NOL4: variants seen among roughly 807,000 people sequenced by gnomAD.
The protein encoded by NOL4 is cancer/testis antigen 125.
In NOL4, 17 loss-of-function variants were observed where a neutral mutation model predicts 75.9. The ratio of observed to expected loss-of-function variants is 0.22; its 90% confidence interval spans 0.15 to 0.34. The LOEUF is 0.34. Ranked by LOEUF, NOL4 falls within the 10% of genes least tolerant of loss-of-function variation. The pLI, the probability that NOL4 is intolerant of heterozygous loss-of-function variation, is 1.00. For synonymous variants in NOL4, 292 were observed against 289.9 expected, an observed-to-expected ratio of 1.01 and a Z score of -0.07; for missense variants, 614 against 793.5, an observed-to-expected ratio of 0.77 and a Z score of 2.72.
At chr18:34,142,616 A>G (rs1023841045) in intron 1 of NOL4, among the ~76,000 whole-genome samples, 11 of 152,046 alleles carry the variant, frequency 7.2e-5, no homozygotes, top group African/African-American at 2.4e-4. Context: ...TCACTCATAG[A>G]TGGGAATTGA....
chr18:33,864,973 C>A (rs1276865865), intron 10 of NOL4, among the ~76,000 whole-genome samples: 1 of 152,108 alleles, frequency 6.6e-6, no homozygotes. Flanking sequence ...GGAAACCTCT[C>A]CCATGATTTA....
At chr18:34,045,502 C>G (rs185271631) in intron 5 of NOL4, among the ~76,000 whole-genome samples, 1 of 152,112 alleles carries the variant, frequency 6.6e-6, no homozygotes, top group East Asian at 1.9e-4. Context: ...TATATGTCAT[C>G]GAAAGAACAT....
At chr18:34,136,088 A>G (rs930081585) in intron 1 of NOL4, among the ~76,000 whole-genome samples, 2 of 152,202 alleles carry the variant, frequency 1.3e-5, no homozygotes, top group Non-Finnish European at 2.9e-5. Context: ...ACACAAGCAT[A>G]TTATTATTTC....
At chr18:34,148,201 G>T (rs1353058657) in intron 1 of NOL4, among the ~76,000 whole-genome samples, 1 of 151,910 alleles carries the variant, frequency 6.6e-6, no homozygotes, top group Non-Finnish European at 1.5e-5. Context: ...GGGTTTCCTT[G>T]TCTCTATCTC....
intron 1 of NOL4, among the ~76,000 whole-genome samples, chr18:34,174,404 A>G (rs1461805351): frequency 2.0e-5 from 3 of 152,188 alleles, no homozygotes; most frequent in African/African-American, 7.2e-5. Context: ...ATTTGTTAAA[A>G]AGAAATAAAA....
At chr18:34,167,557 T>C (rs1170701202) in intron 1 of NOL4, among the ~76,000 whole-genome samples, 1 of 151,250 alleles carries the variant, frequency 6.6e-6, no homozygotes, top group Non-Finnish European at 1.5e-5. Context: ...GATAGATAGA[T>C]AGATAGACAG....
At chr18:34,088,292 A>G (rs2078341039) in intron 5 of NOL4, among the ~76,000 whole-genome samples, 1 of 152,082 alleles carries the variant, frequency 6.6e-6, no homozygotes, top group Non-Finnish European at 1.5e-5. Flanking sequence ...ACCCCAGACA[A>G]GGAATGAACA....
intron 8 of NOL4, among the ~76,000 whole-genome samples, chr18:33,947,149 G>A (rs559821952): frequency 6.6e-6 from 1 of 151,764 alleles, no homozygotes; most frequent in Admixed American, 6.6e-5. Context: ...TACTAATATC[G>A]AGAGAGTGAG....
At chr18:33,958,047 A>G (rs2069791581) in intron 7 of NOL4, among the ~76,000 whole-genome samples, 192 bp downstream of exon 7, 1 of 152,146 alleles carries the variant, frequency 6.6e-6, no homozygotes, top group Non-Finnish European at 1.5e-5. Flanking sequence ...TTCAGCTCAC[A>G]TTTGGCTTTA....
chr18:34,146,942 G>C (rs893735024), intron 1 of NOL4, among the ~76,000 whole-genome samples: 1 of 152,056 alleles, frequency 6.6e-6, no homozygotes, highest in Non-Finnish European at 1.5e-5. Flanking sequence ...CACATCCCTT[G>C]TAAGTTGGAT....
chr18:33,938,564 C>A (rs1331344201), intron 9 of NOL4, among the ~76,000 whole-genome samples: 1 of 152,094 alleles, frequency 6.6e-6, no homozygotes, highest in African/African-American at 2.4e-5. Flanking sequence ...TGTTTCTTGG[C>A]CGCATAAATG....
chr18:34,194,688 A>T (rs1336840207), intron 1 of NOL4, among the ~76,000 whole-genome samples: 1 of 152,084 alleles, frequency 6.6e-6, no homozygotes, highest in Non-Finnish European at 1.5e-5. Context: ...TAGTTTTTGG[A>T]TAATAAAGTT....
At chr18:34,165,419 C>T (rs562572804) in intron 1 of NOL4, among the ~76,000 whole-genome samples, 1 of 152,198 alleles carries the variant, frequency 6.6e-6, no homozygotes, top group South Asian at 2.1e-4. Flanking sequence ...ACTGGTTCTT[C>T]TGCCATTTGA....
intron 2 of NOL4, among the ~76,000 whole-genome samples, chr18:34,117,238 G>A (rs2079903167): frequency 6.6e-6 from 1 of 152,158 alleles, no homozygotes; most frequent in African/African-American, 2.4e-5. Flanking sequence ...TAACAGATGA[G>A]GGAGCTAAGC....
chr18:33,908,327 G>A (rs2066187692), intron 9 of NOL4, among the ~76,000 whole-genome samples: 1 of 152,158 alleles, frequency 6.6e-6, no homozygotes, highest in African/African-American at 2.4e-5. Flanking sequence ...GACTGATGAT[G>A]TGATTTCAAC....
intron 1 of NOL4, among the ~76,000 whole-genome samples, chr18:34,133,533 T>C (rs957804606): frequency 6.6e-6 from 1 of 152,006 alleles, no homozygotes; most frequent in Non-Finnish European, 1.5e-5. Flanking sequence ...ATATTTGTTC[T>C]TGAATGACTT....
At chr18:34,022,727 T>C (rs1384749731) in intron 5 of NOL4, among the ~76,000 whole-genome samples, 1 of 152,014 alleles carries the variant, frequency 6.6e-6, no homozygotes, top group Admixed American at 6.5e-5. Context: ...GTCAATATGT[T>C]ATTAGGTTAA....
At position 33,883,206 on chromosome 18, in the gene NOL4, T is replaced by C. The variant is rs759971954; in HGVS notation, c.1723+38A>G. 1.4e-5 allele frequency: 21 copies of C among 1,483,106 alleles called. No homozygotes were observed. In the East Asian group the frequency reaches 1.8e-4, roughly 13 times the overall value. The allele number at this position is 1,483,106 out of a possible 1,614,324, so 91.9% of individuals were successfully genotyped here. A position where few individuals can be genotyped will look rare whatever the true frequency, so the allele number is the denominator to read the frequency against. On this transcript the variant is annotated intron_variant, in intron 10 of 10. Coordinates refer to ENST00000261592, the MANE Select transcript of NOL4 (RefSeq NM_003787.5). ...ATGTACCCTAAAACTTAAAGTATAA[T>C]AATTAAAAAAAAAACACAATCTATG...
intron 5 of NOL4, among the ~76,000 whole-genome samples, chr18:34,020,570 T>C (rs1251481799): frequency 6.6e-6 from 1 of 152,190 alleles, no homozygotes; most frequent in Admixed American, 6.5e-5. Context: ...CCAGTGTTGT[T>C]CATAATAGCA....
Sources: allele counts gnomAD v4.1 joint callset (sites outside exome capture counted in the v4.1 genomes callset), GRCh38; gene constraint gnomAD v4.1.1; transcripts MANE v1.5; gene names NCBI Gene and HGNC (gene_info 2026-07-23, HGNC 2026-07-21).